Variants in DSC1 observed in about 807,000 individuals in gnomAD.
The protein encoded by DSC1 is desmocollin-1.
Under a neutral mutation model 98.8 loss-of-function variants are expected in DSC1, and 79 were observed. The observed-to-expected ratio is 0.80, with a 90% confidence interval of 0.67 to 0.96. The LOEUF is 0.96. DSC1 is among the 50% of genes least tolerant of loss of function. The pLI is 0.00. For missense variants in DSC1, 1,115 were observed against 1,075.9 expected, an observed-to-expected ratio of 1.04 and a Z score of -0.51; for synonymous variants, 405 against 372.1, an observed-to-expected ratio of 1.09 and a Z score of -1.02.
At chr18:31,134,316 A>C (rs1010837613) in intron 12 of DSC1, among the ~76,000 whole-genome samples, 186 bp from the exon 13 acceptor site, 1 of 151,986 alleles carries the variant, frequency 6.6e-6, no homozygotes, top group African/African-American at 2.4e-5. Flanking sequence ...GCTGATATTA[A>C]ACTAATCTGT....
At chr18:31,154,951 A>G in intron 4 of DSC1, 22 bp from the exon 5 acceptor site, 1 of 1,609,730 alleles carries the variant, frequency 6.2e-7, no homozygotes, top group South Asian at 1.1e-5. Context: ...ATTTAGGAAT[A>G]GAACAAATAC....
intron 5 of DSC1, among the ~76,000 whole-genome samples, chr18:31,151,675 T>C (rs1989002479): frequency 6.6e-6 from 1 of 152,190 alleles, no homozygotes; most frequent in African/African-American, 2.4e-5. Flanking sequence ...GAAATTGCTG[T>C]CATCTTTGGA....
intron 11 of DSC1, among the ~76,000 whole-genome samples, chr18:31,135,064 C>T (rs572265109): frequency 5.3e-5 from 8 of 152,150 alleles, no homozygotes; most frequent in Admixed American, 3.3e-4. Flanking sequence ...GAAAATAAAA[C>T]AGATGTCTTA....
At chr18:31,138,452 CCTTAT>C (rs1433882043) in intron 11 of DSC1, among the ~76,000 whole-genome samples, 1 of 151,946 alleles carries the variant, frequency 6.6e-6, no homozygotes, top group Admixed American at 6.6e-5. Flanking sequence ...AAGAATTTGG[CCTTAT>C]CTTAACATTC....
intron 5 of DSC1, among the ~76,000 whole-genome samples, chr18:31,150,342 TCACCACCACCACCACCA>T (rs1988960135): frequency 1.5e-5 from 1 of 68,780 alleles, no homozygotes; most frequent in Admixed American, 1.8e-4. Flanking sequence ...ACCACTACCA[TCACCACCACCACCACCA>T]TCATCACCAC....
chr18:31,132,570 T>C lies in DSC1; in HGVS notation c.2236A>G (p.Thr746Ala). The C allele has an allele frequency of 6.2e-6, 10 of 1,613,074 alleles. No homozygotes were observed. Among genetic ancestry groups the C allele is most frequent in the Non-Finnish European group, 8.5e-6 (10 of 1,179,416 alleles). ...AAGGGATGTGAAATCTGATTTACCGTTACTTCTTCTCCAGGTCCTTCAGTA... is the reference window on the plus strand; with the variant it reads ...AAGGGATGTGAAATCTGATTTACCGCTACTTCTTCTCCAGGTCCTTCAGTA... ...SNTEGPGEEV[T>A]EANIRLPMQT... The change falls in exon 14 of 16, where the codon ACG becomes GCG. Residue 746 changes from threonine to alanine, a missense_variant and splice_region_variant. Thr to Ala is a moderately conservative substitution (Grantham distance 58, BLOSUM62 0). Transcript: ENST00000257198.
chr18:31,153,259 GC>G (rs1241274616), intron 5 of DSC1, among the ~76,000 whole-genome samples: 16 of 152,164 alleles, frequency 1.1e-4, no homozygotes, highest in Non-Finnish European at 2.1e-4. Flanking sequence ...CAGAGTATGA[GC>G]TTTTTATATC....
At chr18:31,134,423 A>T in intron 12 of DSC1, 149 bp downstream of exon 12, 2 of 811,658 alleles carry the variant, frequency 2.5e-6, no homozygotes, top group Non-Finnish European at 3.7e-6. Flanking sequence ...AATGGCACTA[A>T]TTTTTTTTAA....
In DSC1 at chr18:31,152,612, C is replaced by T. The variant is rs182393341; in HGVS notation, c.627+2162G>A. Among the ~76,000 whole-genome samples the T allele has an allele frequency of 1.1e-3, 171 of 152,022 alleles. 1 individual carries two copies. Among genetic ancestry groups the T allele is most frequent in the African/African-American group, 3.7e-3 (153 of 41,458 alleles). On this transcript the variant is annotated intron_variant, in intron 5 of 15. Transcript: ENST00000257198. ...TTACATAGTGGTATCACTGGTATTA[C>T]GGCATTTAATGATCAGAACACTACT...
intron 6 of DSC1, among the ~76,000 whole-genome samples, chr18:31,146,823 C>A (rs1409986834): frequency 6.6e-6 from 1 of 152,098 alleles, no homozygotes; most frequent in African/African-American, 2.4e-5. Context: ...CATGTAATAA[C>A]AAATATTTTA....
At chr18:31,146,498 C>T (rs548865789) in intron 6 of DSC1, among the ~76,000 whole-genome samples, 4 of 152,236 alleles carry the variant, frequency 2.6e-5, no homozygotes, top group South Asian at 2.1e-4. Flanking sequence ...TTGAAGGGCA[C>T]GTGGATTCAT....
chr18:31,138,561 A>T (rs1658110), intron 11 of DSC1, among the ~76,000 whole-genome samples: 122,396 of 151,682 alleles, frequency 0.81, 49,933 homozygotes, highest in Non-Finnish European at 0.87. Context: ...TTCTTTGCCA[A>T]CATAGAAAAA....
chr18:31,150,415 A>T (rs1333328887), intron 5 of DSC1, among the ~76,000 whole-genome samples: 1 of 116,144 alleles, frequency 8.6e-6, no homozygotes, highest in Admixed American at 9.6e-5. Flanking sequence ...CCACCACATC[A>T]TCACTGCTAC....
At chr18:31,157,612 A>G (rs1436848385) in intron 2 of DSC1, 39 bp from the exon 3 acceptor site, 1 of 1,609,926 alleles carries the variant, frequency 6.2e-7, no homozygotes, top group South Asian at 1.1e-5. Flanking sequence ...GTCAGATGAA[A>G]CAGGAGTGGA....
chr18:31,144,387 A>G (rs1156287431), intron 7 of DSC1, among the ~76,000 whole-genome samples: 3 of 152,236 alleles, frequency 2.0e-5, no homozygotes, highest in African/African-American at 7.2e-5. Flanking sequence ...TAGGTAAATA[A>G]ACTGGTACAT....
intron 1 of DSC1, among the ~76,000 whole-genome samples, chr18:31,161,352 G>GTA (rs1045840121): frequency 2.1e-4 from 31 of 150,014 alleles, no homozygotes; most frequent in Non-Finnish European, 3.5e-4. Context: ...GTGCGTGTGT[G>GTA]TATATATATA....
chr18:31,132,606 T>C lies in DSC1; in HGVS notation c.2200A>G (p.Ile734Val). Residue 734 changes from isoleucine to valine, a missense_variant, in exon 14 of 16, where the codon ATT becomes GTT. Transcript: ENST00000257198. ...CCAGGTCCTTCAGTATTTGATACAA[T>C]TAAATTTTGCTGGGCTATGTCTTCT... ...FPEDIAQQNL[I>V]VSNTEGPGEE... is the part of the protein sequence containing the mutation. The C allele has an allele frequency of 1.2e-6, 2 of 1,613,630 alleles. No individual in the cohort carries two copies. The highest frequency in any genetic ancestry group is 1.3e-5 in the African/African-American group (1 of 75,014).
At chr18:31,141,198 A>G (rs1360012046) in intron 9 of DSC1, among the ~76,000 whole-genome samples, 1 of 152,176 alleles carries the variant, frequency 6.6e-6, no homozygotes. Flanking sequence ...GAATCCTAAA[A>G]CAACATTTAA....
intron 9 of DSC1, among the ~76,000 whole-genome samples, chr18:31,140,638 A>ATATATAT (rs1988714398): frequency 6.6e-6 from 1 of 152,252 alleles, no homozygotes; most frequent in East Asian, 1.9e-4. Flanking sequence ...ATGGGATAAC[A>ATATATAT]GTGACAACTA....
Sources: allele counts gnomAD v4.1 joint callset (sites outside exome capture counted in the v4.1 genomes callset), GRCh38; gene constraint gnomAD v4.1.1; transcripts MANE v1.5; gene names NCBI Gene and HGNC (gene_info 2026-07-23, HGNC 2026-07-21).